The following CDKAL1 variants were observed in gnomAD, a reference collection of about 807,000 sequenced individuals.
CDKAL1 encodes the protein threonylcarbamoyladenosine tRNA methylthiotransferase.
In CDKAL1, 32 loss-of-function variants were observed where a neutral mutation model predicts 68.2. The observed-to-expected ratio is 0.47, with a 90% CI of 0.35 to 0.63. CDKAL1 has a LOEUF of 0.63. Among genes scored for constraint, CDKAL1 ranks in the 30% least tolerant of loss-of-function variants. CDKAL1 has a pLI of 0.00. For missense variants in CDKAL1, 606 were observed against 696.7 expected (o/e 0.87, Z 1.47); for synonymous variants, 234 against 244.3 (o/e 0.96, Z 0.39).
At chr6:21,201,720 A>C (rs984563164) in intron 15 of CDKAL1, among the ~76,000 whole-genome samples, 7 of 152,216 alleles carry the variant, frequency 4.6e-5, no homozygotes, top group African/African-American at 1.7e-4. Flanking sequence ...GCCTTTCAGA[A>C]GGGTGTTAGC....
intron 5 of CDKAL1, among the ~76,000 whole-genome samples, chr6:20,711,868 T>C (rs1398610233): frequency 1.3e-5 from 2 of 152,220 alleles, no homozygotes; most frequent in Non-Finnish European, 2.9e-5. Context: ...CATTTGTCTC[T>C]TTTTAGTAGG....
intron 8 of CDKAL1, among the ~76,000 whole-genome samples, chr6:20,786,494 C>CTTTTT (rs1197574844): frequency 6.8e-4 from 55 of 80,774 alleles, no homozygotes; most frequent in African/African-American, 1.1e-3. Flanking sequence ...TTTTTCTTAT[C>CTTTTT]TTTTTTTTTT....
chr6:20,917,233 G>A (rs1235117850), intron 9 of CDKAL1, among the ~76,000 whole-genome samples: 2 of 151,986 alleles, frequency 1.3e-5, no homozygotes, highest in Non-Finnish European at 2.9e-5. Flanking sequence ...CGCCCGCCTC[G>A]GCCTCCCAAA....
chr6:20,566,757 A>G (rs1291207437), intron 4 of CDKAL1, among the ~76,000 whole-genome samples: 1 of 152,144 alleles, frequency 6.6e-6, no homozygotes, highest in African/African-American at 2.4e-5. Flanking sequence ...TTATGCATCT[A>G]AAGATTCCCA....
At chr6:20,937,148 GCA>G (rs1195662170) in intron 9 of CDKAL1, among the ~76,000 whole-genome samples, 1 of 152,018 alleles carries the variant, frequency 6.6e-6, no homozygotes. Context: ...GAGTGTAGTA[GCA>G]CAGTCACAGC....
At chr6:21,229,974 T>TGG (rs35739791) in intron 15 of CDKAL1, among the ~76,000 whole-genome samples, 15,265 of 152,174 alleles carry the variant, frequency 0.1, 1,025 homozygotes, top group Non-Finnish European at 0.15. Flanking sequence ...TTTCCCAACC[T>TGG]GTTCTCTATC....
chr6:21,096,533 A>G (rs570685037), intron 12 of CDKAL1, among the ~76,000 whole-genome samples: 3 of 152,358 alleles, frequency 2.0e-5, no homozygotes. Context: ...CAGGATACTA[A>G]TTAGCAAAAC....
intron 9 of CDKAL1, among the ~76,000 whole-genome samples, chr6:20,905,738 A>T (rs1345682705): frequency 6.6e-6 from 1 of 152,220 alleles, no homozygotes; most frequent in East Asian, 1.9e-4. Flanking sequence ...TTCTCCACAG[A>T]TCTCTCCTCA....
At chr6:21,013,717 GT>G (rs1157823464) in intron 11 of CDKAL1, among the ~76,000 whole-genome samples, 1 of 152,172 alleles carries the variant, frequency 6.6e-6, no homozygotes, top group African/African-American at 2.4e-5. Flanking sequence ...ACATTAATTA[GT>G]TTTCCAGCCT....
At chr6:20,786,885 T>C (rs187375956) in intron 8 of CDKAL1, among the ~76,000 whole-genome samples, 1 of 152,134 alleles carries the variant, frequency 6.6e-6, no homozygotes. Context: ...TTGGAAATTG[T>C]GGCATAAAGG....
At position 21,168,652 on chromosome 6, in the gene CDKAL1, T is replaced by C. The variant is rs557815630; in HGVS notation, c.1300-29369T>C. Among the ~76,000 whole-genome samples, 14 of 152,358 alleles carry C rather than the reference T, an allele frequency of 9.2e-5. No individual in the cohort carries two copies. In the South Asian group the frequency reaches 2.9e-3, roughly 32 times the overall value. ...CTGTTTCTAAGGGCTAAAGGAATGTTCTAAAAATCAGTGTAGTTTCAAAGA... is the reference window on the plus strand; with the variant it reads ...CTGTTTCTAAGGGCTAAAGGAATGTCCTAAAAATCAGTGTAGTTTCAAAGA... On this transcript the variant is annotated intron_variant, in intron 13 of 15. Coordinates refer to ENST00000274695, the MANE Select transcript of CDKAL1 (RefSeq NM_017774.3).
chr6:20,839,957 T>C (rs540028804), intron 8 of CDKAL1, among the ~76,000 whole-genome samples: 6 of 152,344 alleles, frequency 3.9e-5, no homozygotes, highest in African/African-American at 9.6e-5. Context: ...AGGAAGATAA[T>C]ACCTGTTCCT....
At chr6:21,189,930 G>T (rs886609745) in intron 13 of CDKAL1, among the ~76,000 whole-genome samples, 1 of 152,078 alleles carries the variant, frequency 6.6e-6, no homozygotes, top group Non-Finnish European at 1.5e-5. Context: ...AAAATGGAAA[G>T]GTTATCATTT....
At chr6:21,140,408 C>T (rs1775837978) in intron 13 of CDKAL1, among the ~76,000 whole-genome samples, 1 of 152,210 alleles carries the variant, frequency 6.6e-6, no homozygotes, top group Non-Finnish European at 1.5e-5. Flanking sequence ...TTGGACACAT[C>T]TTGGACGTGC....
intron 10 of CDKAL1, among the ~76,000 whole-genome samples, chr6:20,974,495 GT>G (rs1765744386): frequency 1.3e-5 from 2 of 152,274 alleles, no homozygotes; most frequent in African/African-American, 4.8e-5. Context: ...CTTTTGTCTT[GT>G]GATAGTGATT....
At chr6:21,071,796 T>C (rs1771780869) in intron 12 of CDKAL1, among the ~76,000 whole-genome samples, 1 of 152,176 alleles carries the variant, frequency 6.6e-6, no homozygotes, top group South Asian at 2.1e-4. Flanking sequence ...CTGAGATGGA[T>C]TTTTGAGACT....
chr6:20,765,495 A>G (rs566184322), intron 7 of CDKAL1, among the ~76,000 whole-genome samples: 33 of 152,266 alleles, frequency 2.2e-4, no homozygotes, highest in African/African-American at 7.5e-4. Flanking sequence ...CTGTTTTGCT[A>G]TCCTCTTTTC....
intron 8 of CDKAL1, among the ~76,000 whole-genome samples, chr6:20,790,781 C>T (rs1775866408): frequency 6.6e-6 from 1 of 152,080 alleles, no homozygotes; most frequent in African/African-American, 2.4e-5. Context: ...GGGGTGGTCC[C>T]CCCACCCCTG....
chr6:20,939,672 G>A (rs1230095331), intron 9 of CDKAL1, among the ~76,000 whole-genome samples: 1 of 152,068 alleles, frequency 6.6e-6, no homozygotes, highest in Admixed American at 6.5e-5. Flanking sequence ...GTAATATATT[G>A]GCTGCAGAGG....
Sources: allele counts gnomAD v4.1 joint callset (sites outside exome capture counted in the v4.1 genomes callset), GRCh38; gene constraint gnomAD v4.1.1; transcripts MANE v1.5; gene names NCBI Gene and HGNC (gene_info 2026-07-23, HGNC 2026-07-21).